Variants in KCNQ5 observed in about 807,000 individuals in gnomAD.
The protein encoded by KCNQ5 is potassium voltage-gated channel subfamily KQT member 5.
Under a neutral mutation model 98.2 loss-of-function variants are expected in KCNQ5, and 30 were observed. The ratio of observed to expected loss-of-function variants is 0.31; its 90% CI spans 0.23 to 0.41. The LOEUF (loss-of-function observed/expected upper bound fraction) is 0.41. Ranked by LOEUF, KCNQ5 falls within the 10% of genes least tolerant of loss-of-function variation. The probability of loss-of-function intolerance (pLI) is 1.00; values close to 1 mark genes in which losing one functional copy is unlikely to be tolerated. For synonymous variants in KCNQ5, 458 were observed against 449.4 expected (o/e 1.02, Z -0.24); for missense variants, 835 against 1,182.5 (o/e 0.71, Z 4.31).
chr6:73,137,678 T>C (rs1438470014), intron 10 of KCNQ5, among the ~76,000 whole-genome samples: 13 of 152,020 alleles, frequency 8.6e-5, no homozygotes. Context: ...CCCTATGGAG[T>C]AGCTGAGGTA....
chr6:72,657,007 A>G (rs1011639630), intron 1 of KCNQ5, among the ~76,000 whole-genome samples: 5 of 152,160 alleles, frequency 3.3e-5, no homozygotes, highest in Non-Finnish European at 7.3e-5. Flanking sequence ...GTTTGAGACC[A>G]ATCTGAGCAG....
intron 1 of KCNQ5, among the ~76,000 whole-genome samples, chr6:72,625,958 G>T (rs2098917808): frequency 6.6e-6 from 1 of 152,028 alleles, no homozygotes; most frequent in African/African-American, 2.4e-5. Flanking sequence ...TCATAGTATT[G>T]TTCGTAAAAT....
intron 10 of KCNQ5, among the ~76,000 whole-genome samples, chr6:73,147,898 G>A (rs1020120837): frequency 1.3e-5 from 2 of 152,094 alleles, no homozygotes; most frequent in African/African-American, 2.4e-5. Flanking sequence ...TCAAATAAGT[G>A]AGTATTTGAG....
chr6:72,826,580 T>TA (rs953695297), intron 1 of KCNQ5, among the ~76,000 whole-genome samples: 2 of 152,038 alleles, frequency 1.3e-5, no homozygotes, highest in Non-Finnish European at 2.9e-5. Flanking sequence ...TCTTGGGTTT[T>TA]AAAAAAATGT....
intron 1 of KCNQ5, among the ~76,000 whole-genome samples, chr6:72,723,200 T>A (rs181518345): frequency 2.8e-4 from 43 of 152,272 alleles, no homozygotes; most frequent in East Asian, 3.9e-4. Flanking sequence ...TGCAATTTAC[T>A]GGAATGTGGA....
intron 10 of KCNQ5, among the ~76,000 whole-genome samples, chr6:73,167,113 G>A (rs1270125922): frequency 6.6e-6 from 1 of 152,142 alleles, no homozygotes; most frequent in Non-Finnish European, 1.5e-5. Flanking sequence ...ATCAAACCAT[G>A]GGCACGATGT....
At chr6:72,818,260 T>C (rs929390263) in intron 1 of KCNQ5, among the ~76,000 whole-genome samples, 3 of 152,206 alleles carry the variant, frequency 2.0e-5, no homozygotes, top group Non-Finnish European at 4.4e-5. Flanking sequence ...AATGTCATCA[T>C]GGTTTTAACA....
In KCNQ5 at chr6:72,755,009, G is replaced by T. The variant is rs555286897; in HGVS notation, c.398+132422G>T. On this transcript the variant is annotated intron_variant, in intron 1 of 13. Coordinates refer to ENST00000370398, the MANE Select transcript of KCNQ5 (RefSeq NM_019842.4). Reference sequence around the variant, plus strand: ...CATGTCTGTTAGTTTTTTGCTTCTTGTATTATGAAGTTCTGTTGTTAAATA... The same window carrying T: ...CATGTCTGTTAGTTTTTTGCTTCTTTTATTATGAAGTTCTGTTGTTAAATA... Among the ~76,000 whole-genome samples the T allele has an allele frequency of 4.1e-3, 616 of 151,104 alleles. 6 individuals carry two copies. Among genetic ancestry groups the T allele is most frequent in the African/African-American group, 0.013 (524 of 41,224 alleles).
At chr6:72,917,441 T>TTTTTTA (rs1359988036) in intron 1 of KCNQ5, among the ~76,000 whole-genome samples, 2 of 148,728 alleles carry the variant, frequency 1.3e-5, no homozygotes, top group African/African-American at 5.0e-5. Flanking sequence ...CCCCCACCAT[T>TTTTTTA]TTTTTATTTT....
At chr6:73,043,595 A>G (rs1325688231) in intron 3 of KCNQ5, among the ~76,000 whole-genome samples, 1 of 152,234 alleles carries the variant, frequency 6.6e-6, no homozygotes. Context: ...CACAACAAGT[A>G]CTTTCTGTCC....
intron 1 of KCNQ5, among the ~76,000 whole-genome samples, chr6:72,755,399 G>T (rs1232643983): frequency 6.6e-6 from 1 of 152,008 alleles, no homozygotes. Flanking sequence ...TACTATTGAT[G>T]TAATATGTTC....
At chr6:73,004,334 C>T (rs912203905) in intron 2 of KCNQ5, among the ~76,000 whole-genome samples, 25 of 152,138 alleles carry the variant, frequency 1.6e-4, no homozygotes, top group Admixed American at 2.6e-4. Flanking sequence ...TGAGGCCTCT[C>T]ATTATATTGT....
At chr6:73,090,535 T>C (rs1415268189) in intron 5 of KCNQ5, among the ~76,000 whole-genome samples, 1 of 152,212 alleles carries the variant, frequency 6.6e-6, no homozygotes, top group Non-Finnish European at 1.5e-5. Flanking sequence ...AGAGTGTTTA[T>C]AGTTTCAGGC....
chr6:73,107,540 G>A (rs373225466), intron 6 of KCNQ5, among the ~76,000 whole-genome samples: 4 of 152,136 alleles, frequency 2.6e-5, no homozygotes, highest in African/African-American at 4.8e-5. Flanking sequence ...AAAACAAAAT[G>A]TATGAAGATC....
intron 1 of KCNQ5, among the ~76,000 whole-genome samples, chr6:72,954,860 G>A (rs973872955): frequency 1.3e-5 from 2 of 152,180 alleles, no homozygotes; most frequent in Admixed American, 6.5e-5. Flanking sequence ...ACTGTTGAAC[G>A]TGATGGAATC....
intron 1 of KCNQ5, chr6:72,987,287 G>A (rs1050920967): frequency 1.4e-6 from 1 of 694,252 alleles, no homozygotes; most frequent in African/African-American, 1.7e-5. Context: ...CGGACTTAGA[G>A]GTGGTGTTGG....
chr6:72,697,890 T>G (rs1768582637), intron 1 of KCNQ5, among the ~76,000 whole-genome samples: 1 of 152,194 alleles, frequency 6.6e-6, no homozygotes, highest in South Asian at 2.1e-4. Flanking sequence ...CAATTTTTAC[T>G]AAGGAAGTTC....
At chr6:72,904,847 G>A (rs1779640057) in intron 1 of KCNQ5, among the ~76,000 whole-genome samples, 1 of 152,136 alleles carries the variant, frequency 6.6e-6, no homozygotes, top group African/African-American at 2.4e-5. Flanking sequence ...ATGACAATGT[G>A]CCTAGGCAAT....
intron 1 of KCNQ5, among the ~76,000 whole-genome samples, chr6:72,677,534 C>T (rs927010554): frequency 1.3e-5 from 2 of 152,156 alleles, no homozygotes; most frequent in Non-Finnish European, 2.9e-5. Context: ...TAACATTTTA[C>T]TCATGCTTGC....
Sources: gnomAD v4.1 joint callset for allele counts (sites outside exome capture counted in the v4.1 genomes callset) on GRCh38, gnomAD v4.1.1 for gene constraint, MANE v1.5 for transcripts, NCBI Gene and HGNC (gene_info 2026-07-23, HGNC 2026-07-21) for gene names.